FNTB: variants seen among roughly 807,000 people sequenced by gnomAD.
The protein encoded by FNTB is farnesyltransferase, CAAX box, subunit beta.
In FNTB, 27 loss-of-function variants were observed where a neutral mutation model predicts 59.4. The observed-to-expected ratio is 0.45, with a 90% CI of 0.34 to 0.63. The LOEUF (loss-of-function observed/expected upper bound fraction) is 0.63. FNTB is among the 20% of genes least tolerant of loss of function. The probability of loss-of-function intolerance (pLI) is 0.02; values close to 1 mark genes in which losing one functional copy is unlikely to be tolerated. For synonymous variants in FNTB, 230 were observed against 220.7 expected, an observed-to-expected ratio of 1.04 and a Z score of -0.37; for missense variants, 449 against 559.6, an observed-to-expected ratio of 0.80 and a Z score of 1.99.
At chr14:65,018,623 A>G (rs1013453645) in intron 4 of FNTB, among the ~76,000 whole-genome samples, 2 of 152,084 alleles carry the variant, frequency 1.3e-5, no homozygotes, top group East Asian at 3.9e-4. Context: ...CAGCCTGGCC[A>G]ACATGGGGAA....
Position 65,040,269 on chromosome 14 carries a change from GTA to G in FNTB, c.693-513_693-512del, listed in dbSNP as rs201454107. Among the ~76,000 whole-genome samples, 328 of 148,486 alleles carry G rather than the reference GTA, an allele frequency of 2.2e-3. 1 individual carries two copies. The highest frequency in any genetic ancestry group is 7.7e-3 in the African/African-American group (311 of 40,554). ...TCACTATATATATATGTATATATATGTATATATATGTGTGTATATATATATAT... is the reference window on the plus strand; with the variant it reads ...TCACTATATATATATGTATATATATGTATATATGTGTGTATATATATATAT... On this transcript the variant is annotated intron_variant, in intron 7 of 11. Transcript: ENST00000246166.
chr14:64,987,812 TG>T (rs759002999), intron 1 of FNTB, among the ~76,000 whole-genome samples: 1 of 152,210 alleles, frequency 6.6e-6, no homozygotes, highest in Non-Finnish European at 1.5e-5. Flanking sequence ...GAAAAGTGTT[TG>T]GCGAATGAGT....
intron 11 of FNTB, among the ~76,000 whole-genome samples, chr14:65,060,961 G>T (rs369009577): frequency 1.3e-5 from 2 of 149,682 alleles, no homozygotes; most frequent in East Asian, 3.9e-4. Flanking sequence ...TGCCTGTATC[G>T]TTAAATATTT....
chr14:65,006,043 C>A, intron 2 of FNTB: 1 of 1,268,896 alleles, frequency 7.9e-7, no homozygotes, highest in Non-Finnish European at 1.1e-6. Context: ...TTCATCATGT[C>A]TCTTGACTTC....
Position 64,987,002 on chromosome 14 carries a change from C to T in FNTB, c.49C>T (p.Pro17Ser). The T allele has an allele frequency of 6.2e-7, 1 of 1,614,244 alleles. No homozygotes were observed. The change falls in exon 1 of 12, where the codon CCC (proline) becomes TCC (serine). Residue 17 changes from proline (P) to serine (S), a missense_variant. Physicochemically the swap from Pro to Ser is moderately conservative, Grantham distance 74. This residue lies in a region of FNTB where 112 missense variants were observed against 80.5 expected (regional missense o/e 1.39). Coordinates refer to ENST00000246166, the MANE Select transcript of FNTB (RefSeq NM_002028.4). ...FTYYCPPSSS[P>S]VWSEPLYSLR... ...CTACTATTGCCCTCCATCTTCCTCC[C>T]CCGTCTGGTCAGAGCCGCTGTACAG...
intron 1 of FNTB, among the ~76,000 whole-genome samples, chr14:64,988,796 C>T (rs1277492838): frequency 1.8e-4 from 28 of 152,132 alleles, no homozygotes; most frequent in Non-Finnish European, 2.9e-5. Flanking sequence ...ATTTCTTTTT[C>T]ATGTTGTTAT....
Position 65,027,655 on chromosome 14 carries a change from C to G in FNTB, c.522-43C>G. On this transcript the variant is annotated intron_variant, in intron 5 of 11. Coordinates refer to ENST00000246166, the MANE Select transcript of FNTB (RefSeq NM_002028.4). The surrounding 1 kb of genome is among the most constrained non-coding windows in gnomAD (Gnocchi z 5.7). ...TAGAGGAGTTCCCCGCCTGCTGACA[C>G]GCACTGACTGTTGCCTCTCCTACCT... The G allele has an allele frequency of 6.2e-7, 1 of 1,614,134 alleles. No individual in the cohort carries two copies.
In FNTB at chr14:65,012,180, T is replaced by G; in HGVS notation, c.210-137T>G. The stretch of plus-strand genomic sequence containing the variant: ...AGTTGCTCTTTGGAACCAGAGAAGT[T>G]GCTGGTTATCCAGTCAGTGATTGCA... On this transcript the variant is annotated intron_variant, in intron 2 of 11. Transcript: ENST00000246166. The surrounding 1 kb of genome is among the most constrained non-coding windows in gnomAD (Gnocchi z 5.0). 1 of 993,880 alleles carries G rather than the reference T, an allele frequency of 1.0e-6. No homozygotes were observed. Among genetic ancestry groups the G allele is most frequent in the South Asian group, 1.5e-5 (1 of 66,264 alleles). The allele number at this position is 993,880 out of a possible 1,614,324, so 61.6% of individuals were successfully genotyped here. A position where few individuals can be genotyped will look rare whatever the true frequency, so the allele number is the denominator to read the frequency against.
chr14:65,044,493 C>T lies in FNTB; in HGVS notation c.955+50C>T. On this transcript the variant is annotated intron_variant, in intron 9 of 11. Transcript: ENST00000246166. This position sits in a 1 kb window ranked among gnomAD's most constrained non-coding sequence, Gnocchi z 5.5. ...GGGGCTGGATGATTTCCCTCCACTA[C>T]TCACAAAGTCTGGAAGCCCAGCGTG... The T allele has an allele frequency of 6.4e-7, 1 of 1,567,096 alleles. No homozygotes were observed. Among genetic ancestry groups the T allele is most frequent in the Non-Finnish European group, 8.6e-7 (1 of 1,161,822 alleles).
rs1555335876 is a variant in FNTB, at chr14:65,037,403, C to CTTTTTTTTTTTTTT, written c.693-3357_693-3344dup. 9.8e-4 allele frequency among the ~76,000 whole-genome samples: 29 copies of CTTTTTTTTTTTTTT among 29,680 alleles called. 4 individuals carry two copies. Among genetic ancestry groups the CTTTTTTTTTTTTTT allele is most frequent in the Non-Finnish European group, 1.8e-3 (24 of 13,694 alleles). 19.5% of individuals were successfully genotyped at this position (29,680 alleles called of 152,430 possible). A position where few individuals can be genotyped will look rare whatever the true frequency, so the allele number is the denominator to read the frequency against. ...TAGGCGTGAGCCACCACGCCGGGCC[C>CTTTTTTTTTTTTTT]TTTTTTTTTTTTTTTTTTTTTTTTT... is the stretch of plus-strand genomic sequence containing the variant. On this transcript the variant is annotated intron_variant, in intron 7 of 11. Transcript: ENST00000246166.
rs1449319804 is a variant in FNTB at position 64,987,044 on chromosome 14, G to A, written c.91G>A (p.Ala31Thr). The A allele has an allele frequency of 1.9e-6, 3 of 1,614,090 alleles. No homozygotes were observed. Among genetic ancestry groups the A allele is most frequent in the Non-Finnish European group, 2.5e-6 (3 of 1,180,046 alleles). Residue 31 changes from alanine (A) to threonine (T), a missense_variant, in exon 1 of 12, where the codon GCG (alanine) becomes ACG (threonine). Around this residue, in one of 2 missense-constraint regions of FNTB, gnomAD observed 112 missense variants for 80.5 expected, o/e 1.39. Transcript: ENST00000246166. ...GCTGTACAGTCTGAGGCCCGAGCAC[G>A]CGCGAGAGCGGTTGCAGGACGACTC... ...EPLYSLRPEH[A>T]RERLQDDSVE...
At chr14:64,987,747 T>A (rs1365912898) in intron 1 of FNTB, among the ~76,000 whole-genome samples, 1 of 152,174 alleles carries the variant, frequency 6.6e-6, no homozygotes, top group Non-Finnish European at 1.5e-5. Context: ...AAGAATGGAT[T>A]TTGGACTACT....
In FNTB at chr14:65,015,694, A is replaced by G. The variant is rs777153266; in HGVS notation, c.352A>G (p.Ile118Val). 1.2e-6 allele frequency: 2 copies of G among 1,614,152 alleles called. No individual in the cohort carries two copies. Among genetic ancestry groups the G allele is most frequent in the South Asian group, 2.2e-5 (2 of 91,092 alleles). ...CAGCTTGGAACTGCTAGATGAACCC[A>G]TCCCCCAGATAGTGGCTACAGAGTG... ...LHSLELLDEP[I>V]PQIVATDVCQ... Residue 118 changes from isoleucine to valine, a missense_variant, in exon 4 of 12, where the codon ATC becomes GTC. Coordinates refer to ENST00000246166, the MANE Select transcript of FNTB (RefSeq NM_002028.4).
intron 10 of FNTB, among the ~76,000 whole-genome samples, 171 bp downstream of exon 10, chr14:65,053,520 C>T (rs2062658375): frequency 6.6e-6 from 1 of 152,020 alleles, no homozygotes; most frequent in African/African-American, 2.4e-5. Context: ...CCCTTGAGGC[C>T]ATTGATCTTG....
Position 65,030,977 on chromosome 14 carries a change from T to C in FNTB, c.606-1633T>C, listed in dbSNP as rs900093851. Among the ~76,000 whole-genome samples, 4 of 151,762 alleles carry C rather than the reference T, an allele frequency of 2.6e-5. No individual in the cohort carries two copies. Among genetic ancestry groups the C allele is most frequent in the African/African-American group, 4.8e-5 (2 of 41,280 alleles). ...CGTGTGCCACCATGCCCAGCTAATT[T>C]TTGTATTTTTAGTAGAGACGAGGTC... On this transcript the variant is annotated intron_variant, in intron 6 of 11. Coordinates refer to ENST00000246166, the MANE Select transcript of FNTB (RefSeq NM_002028.4). The surrounding 1 kb of genome is among the most constrained non-coding windows in gnomAD (Gnocchi z 4.5).
At chr14:65,055,066 G>C in intron 11 of FNTB, among the ~76,000 whole-genome samples, 1 of 152,240 alleles carries the variant, frequency 6.6e-6, no homozygotes, top group East Asian at 1.9e-4. Context: ...TGTACAGCCT[G>C]CCGCGTCTCT....
intron 2 of FNTB, 125 bp downstream of exon 2, chr14:65,004,438 C>A: frequency 1.9e-6 from 2 of 1,028,926 alleles, no homozygotes; most frequent in Non-Finnish European, 2.9e-6. Context: ...GTTTCTTGTC[C>A]TTGTGGTTAC....
At chr14:65,026,854 C>G (rs1378828661) in intron 4 of FNTB, among the ~76,000 whole-genome samples, 1 of 151,556 alleles carries the variant, frequency 6.6e-6, no homozygotes, top group Admixed American at 6.6e-5. Context: ...CGAGGGCAAC[C>G]CCGCCTCAAA....
chr14:65,004,327 A>G lies in FNTB; in HGVS notation c.209+14A>G, dbSNP rs770136544. 1.9e-6 allele frequency: 3 copies of G among 1,611,604 alleles called. No individual in the cohort carries two copies. Among genetic ancestry groups the G allele is most frequent in the South Asian group, 2.2e-5 (2 of 90,656 alleles). ...CCTTGTACCAAGGTAAGCTGTGGTTAGGAGTTTGAGGGGATCTGGGAGAAC... is the reference window on the plus strand; with the variant it reads ...CCTTGTACCAAGGTAAGCTGTGGTTGGGAGTTTGAGGGGATCTGGGAGAAC... On this transcript the variant is annotated intron_variant, in intron 2 of 11. Coordinates refer to ENST00000246166, the MANE Select transcript of FNTB (RefSeq NM_002028.4).
Sources: gnomAD v4.1 joint callset for allele counts (sites outside exome capture counted in the v4.1 genomes callset) on GRCh38, gnomAD v4.1.1 for gene constraint, gnomAD v4.1.1 regional missense constraint, Gnocchi (gnomAD v3.1) non-coding constraint, MANE v1.5 for transcripts, NCBI Gene and HGNC (gene_info 2026-07-23, HGNC 2026-07-21) for gene names.